The following AGGF1 variants were observed in gnomAD, a reference collection of about 807,000 sequenced individuals.
AGGF1 encodes angiogenic factor with G-patch and FHA domains 1.
Under a neutral mutation model 86.5 loss-of-function variants are expected in AGGF1, and 56 were observed. The ratio of observed to expected loss-of-function variants is 0.65; its 90% CI spans 0.52 to 0.81. The LOEUF (loss-of-function observed/expected upper bound fraction) is 0.81, where lower values mean the gene tolerates loss of function less well. Among genes scored for constraint, AGGF1 ranks in the 30% least tolerant of loss-of-function variants. AGGF1 has a pLI of 0.00. For missense variants in AGGF1, 816 were observed against 850.9 expected (o/e 0.96, Z 0.51); for synonymous variants, 313 against 297.1 (o/e 1.05, Z -0.55).
intron 5 of AGGF1, among the ~76,000 whole-genome samples, chr5:77,040,942 A>G (rs1747066267): frequency 6.6e-6 from 1 of 152,114 alleles, no homozygotes; most frequent in Non-Finnish European, 1.5e-5. Flanking sequence ...GGCTCACTGC[A>G]TCCTCGACCT....
chr5:77,053,256 C>T (rs920295359), intron 9 of AGGF1, among the ~76,000 whole-genome samples: 4 of 152,190 alleles, frequency 2.6e-5, no homozygotes, highest in Non-Finnish European at 4.4e-5. Context: ...TTGGTTCTGA[C>T]GCCTGTAATC....
intron 13 of AGGF1, 104 bp from the exon 14 acceptor site, chr5:77,062,948 C>A: frequency 8.4e-7 from 1 of 1,196,750 alleles, no homozygotes; most frequent in Non-Finnish European, 1.2e-6. Context: ...TCTTTTGCAT[C>A]AATCTTTAAT....
intron 5 of AGGF1, among the ~76,000 whole-genome samples, chr5:77,040,812 CCTAT>C (rs1160972120): frequency 6.6e-6 from 1 of 152,108 alleles, no homozygotes; most frequent in African/African-American, 2.4e-5. Flanking sequence ...CCTTTCCTGT[CCTAT>C]CTCTGTCCTG....
At chr5:77,036,817 A>C (rs1746977709) in intron 4 of AGGF1, 97 bp downstream of exon 4, 1 of 1,337,314 alleles carries the variant, frequency 7.5e-7, no homozygotes, top group African/African-American at 1.4e-5. Context: ...AGCTCACTGC[A>C]ACTTTCACCC....
chr5:77,048,969 T>G lies in AGGF1; in HGVS notation c.1347T>G (p.Pro449=), dbSNP rs1206228388. The change falls in exon 8 of 14, where the codon CCT becomes CCG. Residue 449 remains proline (P), a synonymous_variant. Coordinates refer to ENST00000312916, the MANE Select transcript of AGGF1 (RefSeq NM_018046.5). The part of the protein sequence containing the change: ...EKDMEHTLRI[P]EVGVSKFHAE... ...ATATGGAACATACTCTCCGAATCCC[T>G]GAAGTTGGTGTCAGTAAGGTAAGCT... is the stretch of plus-strand genomic sequence containing the variant. The G allele has an allele frequency of 6.2e-7, 1 of 1,613,794 alleles. No individual in the cohort carries two copies. Among genetic ancestry groups the G allele is most frequent in the East Asian group, 2.2e-5 (1 of 44,794 alleles).
Position 77,064,032 on chromosome 5 carries a change from C to T in AGGF1, c.*780C>T, listed in dbSNP as rs1415859981. 2 of 152,508 alleles carry T rather than the reference C, an allele frequency of 1.3e-5. No individual in the cohort carries two copies. The highest frequency in any genetic ancestry group is 2.9e-5 in the Non-Finnish European group (2 of 68,026). 9.4% of individuals were successfully genotyped at this position (152,508 alleles called of 1,614,324 possible). ...GTACAAAAGGAATACTTAGCCAGGG[C>T]CTCAAGCTCAAGATACTTATTGAAA... On this transcript the variant is annotated 3_prime_UTR_variant, in exon 14 of 14. Coordinates refer to ENST00000312916, the MANE Select transcript of AGGF1 (RefSeq NM_018046.5).
At position 77,030,835 on chromosome 5, in the gene AGGF1, C is replaced by A. The variant is rs202144275; in HGVS notation, c.69C>A (p.Ala23=). ...CCACCTCCCCCGAGCCTGAGCTGGC[C>A]CAGCTAAGGCGGAAGGTGGAGAAGT... ...PPPTSPEPEL[A]QLRRKVEKLE... The change falls in exon 1 of 14, where the codon GCC becomes GCA. Residue 23 remains alanine (A), a synonymous_variant. Transcript: ENST00000312916. 1.3e-5 allele frequency: 21 copies of A among 1,611,526 alleles called. No individual in the cohort carries two copies. In the East Asian group the frequency reaches 4.7e-4, roughly 36 times the overall value.
rs140785835 is a variant in AGGF1 at position 77,052,735 on chromosome 5, C to T, written c.1395C>T (p.Asp465=). The T allele has an allele frequency of 1.9e-6, 3 of 1,613,498 alleles. No individual in the cohort carries two copies. Among genetic ancestry groups the T allele is most frequent in the African/African-American group, 1.3e-5 (1 of 74,930 alleles). The change falls in exon 9 of 14, where the codon GAC becomes GAT. Residue 465 remains aspartate (D), a synonymous_variant. Transcript: ENST00000312916. ...KFHAEIYFDH[D]LQSYVLVDQG... ...ATGCAGAAATTTATTTTGACCATGA[C>T]TTACAAAGTTATGTCCTTGTGGATC...
chr5:77,059,682 A>T lies in AGGF1; in HGVS notation c.1783A>T (p.Arg595Trp). The T allele has an allele frequency of 6.2e-7, 1 of 1,613,822 alleles. No individual in the cohort carries two copies. Among genetic ancestry groups the T allele is most frequent in the Non-Finnish European group, 8.5e-7 (1 of 1,179,714 alleles). The change falls in exon 12 of 14, where the codon AGG becomes TGG. Residue 595 changes from arginine (R) to tryptophan (W), a missense_variant. By Grantham distance (101) the Arg-to-Trp change is moderately radical (BLOSUM62 -3). Coordinates refer to ENST00000312916, the MANE Select transcript of AGGF1 (RefSeq NM_018046.5). ...PKYKDRAGKR[R>W]EQVGSEGTFQ... ...ATATAAAGATAGAGCTGGAAAACGT[A>T]GGGAGCAGGTTGGAAGTGAAGGAAC...
intron 5 of AGGF1, among the ~76,000 whole-genome samples, chr5:77,042,609 A>C (rs1279548500): frequency 2.4e-5 from 1 of 41,758 alleles, no homozygotes; most frequent in South Asian, 8.1e-4. Context: ...TCCCTCCCGG[A>C]CGTGGCGGCT....
rs1742770632 is a variant in AGGF1, at chr5:77,065,056, T to C, written c.*1804T>C. The stretch of plus-strand genomic sequence containing the variant: ...AATAATGTCTGGGTCTATTTCCATC[T>C]GTAAAATAAGAATATTTGTCTCACG... On this transcript the variant is annotated 3_prime_UTR_variant, in exon 14 of 14. Transcript: ENST00000312916. The C allele has an allele frequency of 6.6e-6, 1 of 152,232 alleles. No homozygotes were observed. The highest frequency in any genetic ancestry group is 1.5e-5 in the Non-Finnish European group (1 of 68,046). 9.4% of individuals were successfully genotyped at this position (152,232 alleles called of 1,614,324 possible).
intron 13 of AGGF1, 41 bp from the exon 14 acceptor site, chr5:77,063,011 T>C: frequency 1.2e-6 from 2 of 1,606,838 alleles, no homozygotes; most frequent in South Asian, 2.2e-5. Context: ...TCAATGTGTT[T>C]AGACTCTAAA....
chr5:77,030,552 G>A lies in AGGF1; in HGVS notation c.-215G>A, dbSNP rs1746820068. The A allele has an allele frequency of 1.4e-6, 1 of 702,412 alleles. No homozygotes were observed. The highest frequency in any genetic ancestry group is 2.6e-6 in the Non-Finnish European group (1 of 388,036). The allele number at this position is 702,412 out of a possible 1,614,324, so 43.5% of individuals were successfully genotyped here. ...TCCGGTTTGCAGGCCGCGCACATCG[G>A]GCAGGGGCCATCCTCGGTCCCCTTG... On this transcript the variant is annotated 5_prime_UTR_variant, in exon 1 of 14. Transcript: ENST00000312916.
At chr5:77,039,209 A>G (rs1398114919) in intron 4 of AGGF1, among the ~76,000 whole-genome samples, 3 of 151,984 alleles carry the variant, frequency 2.0e-5, no homozygotes, top group Non-Finnish European at 4.4e-5. Flanking sequence ...AGTATTATCA[A>G]TTTTTTTAAT....
At chr5:77,042,510 T>C (rs1747119484) in intron 5 of AGGF1, among the ~76,000 whole-genome samples, 1 of 61,042 alleles carries the variant, frequency 1.6e-5, no homozygotes, top group Admixed American at 1.8e-4. Flanking sequence ...CCCACCTCCC[T>C]CCCGGACGGG....
Position 77,063,191 on chromosome 5 carries a change from A to G in AGGF1, c.2084A>G (p.Glu695Gly). Residue 695 changes from glutamate to glycine, a missense_variant, in exon 14 of 14, where the codon GAA becomes GGA. By Grantham distance (98) the Glu-to-Gly change is moderately conservative. Coordinates refer to ENST00000312916, the MANE Select transcript of AGGF1 (RefSeq NM_018046.5). ...GAGCGGTTTACTGAAAACTTCCCAG[A>G]AACTAAGCCTCAAAAAGATGACCCA... ...ARERFTENFP[E>G]TKPQKDDPGT... 1 of 1,614,040 alleles carries G rather than the reference A, an allele frequency of 6.2e-7. No homozygotes were observed. Among genetic ancestry groups the G allele is most frequent in the Non-Finnish European group, 8.5e-7 (1 of 1,179,928 alleles).
intron 8 of AGGF1, among the ~76,000 whole-genome samples, chr5:77,050,598 C>T (rs575917557): frequency 2.0e-4 from 30 of 152,048 alleles, no homozygotes; most frequent in Middle Eastern, 6.8e-3. Context: ...AGATGAAAAA[C>T]TTTTAAAAAA....
intron 3 of AGGF1, 149 bp from the exon 4 acceptor site, chr5:77,036,407 G>A (rs1163159677): frequency 2.5e-6 from 2 of 801,358 alleles, no homozygotes; most frequent in Admixed American, 2.3e-5. Context: ...GTTGTAATAA[G>A]TGGTTCAAGT....
chr5:77,041,565 T>TG, intron 5 of AGGF1, among the ~76,000 whole-genome samples: 1 of 65,070 alleles, frequency 1.5e-5, no homozygotes. Flanking sequence ...AGACTCCATC[T>TG]CAAAAAAAAA....
Sources: gnomAD v4.1 joint callset for allele counts (sites outside exome capture counted in the v4.1 genomes callset) on GRCh38, gnomAD v4.1.1 for gene constraint, MANE v1.5 for transcripts, NCBI Gene and HGNC (gene_info 2026-07-23, HGNC 2026-07-21) for gene names.